GALNT14: variants seen among roughly 807,000 people sequenced by gnomAD.
GALNT14 encodes the protein UDP-GalNAc:polypeptide N-acetylgalactosaminyltransferase 14.
Under a neutral mutation model 77.5 loss-of-function variants are expected in GALNT14, and 60 were observed. The observed-to-expected ratio is 0.77, with a 90% CI of 0.63 to 0.96. The LOEUF (loss-of-function observed/expected upper bound fraction) is 0.96, where lower values mean the gene tolerates loss of function less well. GALNT14 is among the 40% of genes least tolerant of loss of function. GALNT14 has a pLI of 0.00. For missense variants in GALNT14, 710 were observed against 731.0 expected (o/e 0.97, Z 0.33); for synonymous variants, 280 against 281.7 (o/e 0.99, Z 0.06).
rs1678634861 is a variant in GALNT14, at chr2:31,125,039, A to G, written c.129+12919T>C. The G allele has an allele frequency of 1.3e-5, 9 of 713,356 alleles. No individual in the cohort carries two copies. The East Asian group carries it at 2.4e-4, about 19-fold the overall frequency. The allele number at this position is 713,356 out of a possible 1,614,324, so 44.2% of individuals were successfully genotyped here. A position where few individuals can be genotyped will look rare whatever the true frequency, so the allele number is the denominator to read the frequency against. On this transcript the variant is annotated intron_variant, in intron 1 of 14. Transcript: ENST00000349752. ...CTGGATGCAACTTCTCTCTCCAGAC[A>G]TCCTGGGGTGCGCCCAGGAGCTCTG...
intron 1 of GALNT14, among the ~76,000 whole-genome samples, chr2:31,057,306 T>A (rs1311215332): frequency 6.9e-6 from 1 of 145,166 alleles, no homozygotes; most frequent in Non-Finnish European, 1.5e-5. Context: ...TATATATATA[T>A]ATATATATAT....
At chr2:31,137,892 G>C (rs1362550496) in intron 1 of GALNT14, 66 bp downstream of exon 1, 2 of 1,544,444 alleles carry the variant, frequency 1.3e-6, no homozygotes, top group Non-Finnish European at 1.7e-6. Flanking sequence ...CCGCAAACCC[G>C]GCACGCGGGC....
intron 2 of GALNT14, among the ~76,000 whole-genome samples, chr2:30,981,898 C>T (rs144453911): frequency 1.3e-5 from 2 of 152,216 alleles, no homozygotes; most frequent in African/African-American, 4.8e-5. Flanking sequence ...AGGGCATGCA[C>T]TTTCGCAGGC....
intron 1 of GALNT14, chr2:31,114,613 T>C (rs1434721266): frequency 1.6e-6 from 1 of 618,728 alleles, no homozygotes; most frequent in Non-Finnish European, 2.9e-6. Context: ...GAAATAAAAA[T>C]CAGGGGCAAA....
intron 1 of GALNT14, among the ~76,000 whole-genome samples, chr2:31,088,162 G>A (rs565455894): frequency 2.0e-5 from 3 of 152,344 alleles, no homozygotes; most frequent in African/African-American, 4.8e-5. Context: ...CAGGTATAGC[G>A]ATTGCGGCAG....
intron 2 of GALNT14, among the ~76,000 whole-genome samples, chr2:30,978,724 C>A (rs1271930804): frequency 2.6e-5 from 4 of 152,194 alleles, no homozygotes; most frequent in African/African-American, 9.7e-5. Flanking sequence ...CTTTGGGCCC[C>A]TATTCACTCA....
At chr2:30,967,026 T>C (rs1224006469) in intron 2 of GALNT14, among the ~76,000 whole-genome samples, 1 of 152,208 alleles carries the variant, frequency 6.6e-6, no homozygotes, top group Non-Finnish European at 1.5e-5. Flanking sequence ...CACCAGGGGC[T>C]ATCACTGGGT....
chr2:30,952,947 T>C (rs1381201656), intron 6 of GALNT14, among the ~76,000 whole-genome samples: 2 of 152,132 alleles, frequency 1.3e-5, no homozygotes, highest in Non-Finnish European at 2.9e-5. Flanking sequence ...ACTTTAAAAA[T>C]ATGACCTGAG....
intron 9 of GALNT14, among the ~76,000 whole-genome samples, chr2:30,936,424 A>T (rs113845843): frequency 1.1e-4 from 16 of 152,328 alleles, no homozygotes; most frequent in African/African-American, 3.8e-4. Flanking sequence ...AACAAAGGCA[A>T]AGAGAATTAT....
At chr2:30,938,654 G>T (rs1666200090) in intron 9 of GALNT14, among the ~76,000 whole-genome samples, 1 of 152,194 alleles carries the variant, frequency 6.6e-6, no homozygotes, top group Non-Finnish European at 1.5e-5. Context: ...TGGCACTGAG[G>T]TCAGGGCACG....
At chr2:31,005,048 G>A (rs557456407) in intron 1 of GALNT14, among the ~76,000 whole-genome samples, 36 of 152,338 alleles carry the variant, frequency 2.4e-4, no homozygotes, top group South Asian at 8.3e-4. Flanking sequence ...ATGCCCATGG[G>A]CTGACATTGG....
chr2:30,903,707 C>A, the GALNT14 span, among the ~76,000 whole-genome samples: 1 of 152,192 alleles, frequency 6.6e-6, no homozygotes, highest in Admixed American at 6.5e-5. Flanking sequence ...CTAAGATATG[C>A]CTGTATCCTT....
intron 1 of GALNT14, among the ~76,000 whole-genome samples, chr2:31,031,320 G>A (rs755157931): frequency 6.6e-6 from 1 of 151,998 alleles, no homozygotes; most frequent in Non-Finnish European, 1.5e-5. Context: ...CAGGTGACAG[G>A]GGAACTTTAT....
chr2:30,959,928 T>C (rs1667583409), intron 3 of GALNT14, among the ~76,000 whole-genome samples: 1 of 152,186 alleles, frequency 6.6e-6, no homozygotes, highest in African/African-American at 2.4e-5. Context: ...TGGGTGCAGG[T>C]GGAGGCGCTG....
chr2:31,098,930 G>T (rs928603642), intron 1 of GALNT14, among the ~76,000 whole-genome samples: 1 of 152,056 alleles, frequency 6.6e-6, no homozygotes, highest in Non-Finnish European at 1.5e-5. Context: ...CATCCTCATC[G>T]TCACATACAG....
chr2:31,052,173 T>C (rs922335403), intron 1 of GALNT14, among the ~76,000 whole-genome samples: 8 of 152,204 alleles, frequency 5.3e-5, no homozygotes, highest in Non-Finnish European at 5.9e-5. Flanking sequence ...CCCAGGACAC[T>C]GCCCCCTACC....
intron 1 of GALNT14, among the ~76,000 whole-genome samples, chr2:31,087,812 T>G (rs1328216989): frequency 6.6e-6 from 1 of 152,220 alleles, no homozygotes; most frequent in Non-Finnish European, 1.5e-5. Context: ...ATCCGTATTT[T>G]GAAACCTAAA....
At chr2:30,948,721 T>C (rs1666850410) in intron 6 of GALNT14, among the ~76,000 whole-genome samples, 1 of 152,230 alleles carries the variant, frequency 6.6e-6, no homozygotes, top group Non-Finnish European at 1.5e-5. Flanking sequence ...TCACTGTAGT[T>C]AAGCCATAAC....
At chr2:31,028,868 G>A (rs1255714156) in intron 1 of GALNT14, among the ~76,000 whole-genome samples, 2 of 152,154 alleles carry the variant, frequency 1.3e-5, no homozygotes, top group South Asian at 2.1e-4. Flanking sequence ...AGGGAAGGAC[G>A]GCTCCCATGC....
Sources: gnomAD v4.1 joint callset for allele counts (sites outside exome capture counted in the v4.1 genomes callset) on GRCh38, gnomAD v4.1.1 for gene constraint, MANE v1.5 for transcripts, NCBI Gene and HGNC (gene_info 2026-07-23, HGNC 2026-07-21) for gene names.